The following UCHL5 variants were observed in gnomAD, a reference collection of about 807,000 sequenced individuals.
The protein encoded by UCHL5 is ubiquitin carboxyl-terminal hydrolase isozyme L5.
Under a neutral mutation model 53.8 loss-of-function variants are expected in UCHL5, and 34 were observed. That is an observed-to-expected ratio of 0.63 (90% CI 0.48 to 0.84). The LOEUF is 0.84. Among genes scored for constraint, UCHL5 ranks in the 40% least tolerant of loss-of-function variants. The pLI is 0.00. For missense variants in UCHL5, 290 were observed against 385.6 expected, an observed-to-expected ratio of 0.75 and a Z score of 2.08; for synonymous variants, 111 against 126.3, an observed-to-expected ratio of 0.88 and a Z score of 0.81.
In UCHL5 at chr1:193,028,151, A is replaced by C. The variant is rs1158592762; in HGVS notation, c.566-3T>G. 6.3e-7 allele frequency: 1 copy of C among 1,585,686 alleles called. No individual in the cohort carries two copies. The highest frequency in any genetic ancestry group is 8.6e-7 in the Non-Finnish European group (1 of 1,169,270). Reference sequence around the variant, plus strand: ...CCAATCATCTTGATTGCATGCACCTAGAAAGAAATTTTAAAACAGTTAACA... The same window carrying C: ...CCAATCATCTTGATTGCATGCACCTCGAAAGAAATTTTAAAACAGTTAACA... On this transcript the variant is annotated splice_polypyrimidine_tract_variant and splice_region_variant and intron_variant, in intron 6 of 10. Transcript: ENST00000367454.
In UCHL5 at chr1:193,014,478, T is replaced by C. The variant is rs1415212367; in HGVS notation, c.*1873A>G. The C allele has an allele frequency of 6.6e-6, 1 of 152,176 alleles. No homozygotes were observed. The highest frequency in any genetic ancestry group is 1.5e-5 in the Non-Finnish European group (1 of 68,010). The allele number at this position is 152,176 out of a possible 1,614,324, so 9.4% of individuals were successfully genotyped here. A position where few individuals can be genotyped will look rare whatever the true frequency, so the allele number is the denominator to read the frequency against. ...AATTCTGATGAGCTCTAATTTTGGATCTTTTATGGTTACTGCTTTCTGTGA... is the reference window on the plus strand; with the variant it reads ...AATTCTGATGAGCTCTAATTTTGGACCTTTTATGGTTACTGCTTTCTGTGA... On this transcript the variant is annotated 3_prime_UTR_variant, in exon 11 of 11. Transcript: ENST00000367454.
upstream of UCHL5, chr1:193,059,382 C>T: frequency 1.2e-6 from 2 of 1,608,482 alleles, no homozygotes; most frequent in Non-Finnish European, 1.7e-6. The surrounding 1 kb of genome is among the most constrained non-coding windows in gnomAD (Gnocchi z 4.9). Flanking sequence ...GTCACCCCGC[C>T]TACTTCCCGA....
chr1:193,039,194 C>T (rs1209233481), intron 3 of UCHL5, among the ~76,000 whole-genome samples: 5 of 152,054 alleles, frequency 3.3e-5, no homozygotes, highest in African/African-American at 4.8e-5. Flanking sequence ...TGAGGCCAAC[C>T]TGGCCTCAAG....
intron 1 of UCHL5, among the ~76,000 whole-genome samples, chr1:193,058,729 C>A (rs1472597584): frequency 2.0e-5 from 3 of 152,354 alleles, no homozygotes; most frequent in Non-Finnish European, 2.9e-5. Flanking sequence ...AGTTCCTGGG[C>A]GGCTTGAGCC....
chr1:193,059,419 C>T, upstream of UCHL5: 1 of 1,610,478 alleles, frequency 6.2e-7, no homozygotes, highest in Non-Finnish European at 8.5e-7. This position sits in a 1 kb window ranked among gnomAD's most constrained non-coding sequence, Gnocchi z 4.9. Context: ...TCACCTGCAG[C>T]GCGACTGAGC....
intron 10 of UCHL5, among the ~76,000 whole-genome samples, chr1:193,017,923 T>C (rs1323665863): frequency 6.6e-6 from 1 of 151,388 alleles, no homozygotes; most frequent in Admixed American, 6.6e-5. Flanking sequence ...GTAACATATA[T>C]ATAAGATTTA....
chr1:193,059,692 G>A, upstream of UCHL5: 1 of 1,360,240 alleles, frequency 7.4e-7, no homozygotes, highest in Non-Finnish European at 9.8e-7. This position sits in a 1 kb window ranked among gnomAD's most constrained non-coding sequence, Gnocchi z 4.9. Flanking sequence ...TGCCCGTCAG[G>A]CTGCCTTCTT....
At chr1:193,046,078 C>T (rs1667235320) in intron 3 of UCHL5, among the ~76,000 whole-genome samples, 1 of 152,172 alleles carries the variant, frequency 6.6e-6, no homozygotes, top group African/African-American at 2.4e-5. Context: ...GCTGACCAGG[C>T]TGGAGTACAG....
intron 3 of UCHL5, among the ~76,000 whole-genome samples, chr1:193,044,556 C>T (rs1433754370): frequency 6.6e-6 from 1 of 152,144 alleles, no homozygotes; most frequent in Non-Finnish European, 1.5e-5. Context: ...CACACACACA[C>T]ACGCAACCCC....
chr1:193,048,163 G>A (rs987808518), intron 3 of UCHL5, among the ~76,000 whole-genome samples: 13 of 152,100 alleles, frequency 8.5e-5, no homozygotes, highest in Non-Finnish European at 2.9e-5. Context: ...AAGAACAAAC[G>A]AGAGACAAAT....
At chr1:193,023,171 C>A (rs1410549234) in intron 8 of UCHL5, 135 bp from the exon 9 acceptor site, 9 of 626,616 alleles carry the variant, frequency 1.4e-5, no homozygotes. Context: ...GCCCGCCTAA[C>A]AGCAGCATTA....
intron 7 of UCHL5, among the ~76,000 whole-genome samples, chr1:193,026,966 A>G (rs1659490151): frequency 6.6e-6 from 1 of 152,246 alleles, no homozygotes; most frequent in Non-Finnish European, 1.5e-5. Flanking sequence ...ATCTCCAAGA[A>G]ATAAACTGAG....
chr1:193,023,479 T>TTA (rs1558014935), intron 8 of UCHL5, among the ~76,000 whole-genome samples: 1 of 152,168 alleles, frequency 6.6e-6, no homozygotes, highest in Non-Finnish European at 1.5e-5. Context: ...ACTTGCTTAA[T>TTA]TATATAATGA....
intron 1 of UCHL5, 40 bp from the exon 2 acceptor site, chr1:193,051,857 T>C: frequency 7.0e-7 from 1 of 1,437,512 alleles, no homozygotes. Context: ...ACAGGATAAT[T>C]CATTTTTTCC....
chr1:193,044,676 A>C (rs151302203), intron 3 of UCHL5, among the ~76,000 whole-genome samples: 2 of 152,262 alleles, frequency 1.3e-5, no homozygotes, highest in African/African-American at 4.8e-5. Context: ...TATCAAATAA[A>C]TATGATTTCA....
intron 7 of UCHL5, chr1:193,027,732 C>A: frequency 3.0e-6 from 1 of 330,468 alleles, no homozygotes; most frequent in Non-Finnish European, 5.6e-6. Context: ...TAATGGAAAT[C>A]TGCATGTTTA....
chr1:193,031,267 A>G (rs191458418), intron 3 of UCHL5, among the ~76,000 whole-genome samples: 1 of 152,282 alleles, frequency 6.6e-6, no homozygotes, highest in East Asian at 1.9e-4. Flanking sequence ...AGAAGTTAAA[A>G]TTTATACTTA....
intron 3 of UCHL5, among the ~76,000 whole-genome samples, chr1:193,038,288 C>T (rs977168801): frequency 1.3e-5 from 2 of 151,980 alleles, no homozygotes; most frequent in Non-Finnish European, 2.9e-5. Context: ...AACCCTGTCT[C>T]CACTAAAAAT....
At chr1:193,019,969 C>T (rs1181575852) in intron 10 of UCHL5, 1 of 983,466 alleles carries the variant, frequency 1.0e-6, no homozygotes, top group Non-Finnish European at 1.2e-6. Flanking sequence ...TGATTAATAA[C>T]ATCATATCTA....
Sources: gnomAD v4.1 joint callset for allele counts (sites outside exome capture counted in the v4.1 genomes callset) on GRCh38, gnomAD v4.1.1 for gene constraint, Gnocchi (gnomAD v3.1) non-coding constraint, MANE v1.5 for transcripts, NCBI Gene and HGNC (gene_info 2026-07-23, HGNC 2026-07-21) for gene names.